The following SEL1L2 variants were observed in gnomAD, a reference collection of about 807,000 sequenced individuals.
The protein encoded by SEL1L2 is SEL1L2 adaptor subunit of SYVN1 ubiquitin ligase.
SEL1L2 carries 89 observed loss-of-function variants against 98.8 expected under a neutral mutation model. That is an observed-to-expected ratio of 0.90 (90% CI 0.76 to 1.07). The LOEUF (loss-of-function observed/expected upper bound fraction) is 1.07, where lower values mean the gene tolerates loss of function less well. SEL1L2 is among the 50% of genes least tolerant of loss of function. SEL1L2 has a pLI of 0.00. For missense variants in SEL1L2, 788 were observed against 812.0 expected (o/e 0.97, Z 0.36); for synonymous variants, 262 against 278.5 (o/e 0.94, Z 0.59).
At chr20:13,983,047 A>AAAAAAAAAAAAAAAAAC (rs1569086282) in intron 1 of SEL1L2, among the ~76,000 whole-genome samples, 5 of 144,200 alleles carry the variant, frequency 3.5e-5, no homozygotes, top group Admixed American at 7.0e-5. Context: ...AAAAAAAAAA[A>AAAAAAAAAAAAAAAAAC]AGCAGCAGCC....
At chr20:13,924,043 G>A (rs1360365155) in intron 3 of SEL1L2, among the ~76,000 whole-genome samples, 1 of 152,102 alleles carries the variant, frequency 6.6e-6, no homozygotes, top group Non-Finnish European at 1.5e-5. Context: ...TTGTTCCTTT[G>A]AACATTATGT....
intron 4 of SEL1L2, among the ~76,000 whole-genome samples, chr20:13,917,067 C>T (rs923251672): frequency 2.0e-5 from 3 of 152,006 alleles, no homozygotes; most frequent in Non-Finnish European, 2.9e-5. Flanking sequence ...CCAGGGTTTC[C>T]CTGGACTTGA....
At chr20:13,993,255 G>A (rs529767966), upstream of SEL1L2, among the ~76,000 whole-genome samples, 11 of 152,316 alleles carry the variant, frequency 7.2e-5, no homozygotes, top group South Asian at 6.2e-4. Flanking sequence ...ATAAAATTGC[G>A]TAGGTATAGC....
chr20:13,935,002 A>C (rs2049384103), intron 2 of SEL1L2, among the ~76,000 whole-genome samples: 1 of 152,182 alleles, frequency 6.6e-6, no homozygotes, highest in South Asian at 2.1e-4. Flanking sequence ...ATTGCCATTT[A>C]ACTTTAACTT....
intron 5 of SEL1L2, among the ~76,000 whole-genome samples, chr20:13,911,560 A>G (rs1294200863): frequency 1.3e-5 from 2 of 152,168 alleles, no homozygotes; most frequent in Non-Finnish European, 2.9e-5. Context: ...AACATTTACA[A>G]ATCTGTTTAT....
At chr20:13,879,175 C>T (rs1375837139) in intron 10 of SEL1L2, among the ~76,000 whole-genome samples, 1 of 152,020 alleles carries the variant, frequency 6.6e-6, no homozygotes, top group African/African-American at 2.4e-5. Context: ...AGTACAGAGG[C>T]TAGGGGAAGA....
intron 1 of SEL1L2, among the ~76,000 whole-genome samples, chr20:13,967,481 C>A (rs2051104096): frequency 4.6e-5 from 7 of 152,208 alleles, no homozygotes; most frequent in Admixed American, 4.6e-4. Context: ...TATACACTGA[C>A]AGATCTCTGG....
At chr20:13,865,685 G>T (rs1275132795) in intron 15 of SEL1L2, among the ~76,000 whole-genome samples, 171 bp from the exon 16 acceptor site, 1 of 152,136 alleles carries the variant, frequency 6.6e-6, no homozygotes, top group Non-Finnish European at 1.5e-5. Flanking sequence ...CCTTTTATAG[G>T]CACAAAGATC....
chr20:13,887,767 A>T lies in SEL1L2; in HGVS notation c.745+2T>A, dbSNP rs765746448. On this transcript the variant is annotated splice_donor_variant, in intron 8 of 19. Coordinates refer to ENST00000284951, the MANE Select transcript of SEL1L2 (RefSeq NM_025229.2). LOFTEE classifies it high-confidence loss of function. The stretch of plus-strand genomic sequence containing the variant: ...TTAAAATAAATTATGTGGATTACTT[A>T]CTATAATCTGCCACTTTCTTGTAAT... The T allele has an allele frequency of 2.5e-6, 4 of 1,574,628 alleles. No homozygotes were observed. The highest frequency in any genetic ancestry group is 3.5e-6 in the Non-Finnish European group (4 of 1,145,070).
intron 5 of SEL1L2, among the ~76,000 whole-genome samples, chr20:13,899,258 C>CT (rs1055792862): frequency 3.3e-5 from 5 of 151,446 alleles, no homozygotes; most frequent in African/African-American, 1.2e-4. Flanking sequence ...GGCATGTATT[C>CT]TTTTTTTTGT....
intron 12 of SEL1L2, among the ~76,000 whole-genome samples, chr20:13,875,819 G>A (rs78042313): frequency 0.026 from 3,967 of 152,282 alleles, 167 homozygotes; most frequent in African/African-American, 0.09. Flanking sequence ...CCTGGCCTCT[G>A]CTAGGGCAGC....
chr20:13,854,289 A>G (rs1311811034), intron 18 of SEL1L2, among the ~76,000 whole-genome samples: 1 of 152,202 alleles, frequency 6.6e-6, no homozygotes, highest in African/African-American at 2.4e-5. Context: ...CCCAAAGGAT[A>G]ATTTCCCCCA....
rs761446990 is a variant in SEL1L2 at position 13,907,727 on chromosome 20, TTTC to T, written c.549+6052_549+6054del. ...CTTTCTTTCTTTCTTTCTTTCTTTC[TTTC>T]TTTCTTTCTTTCTTTCTTTTCTTTT... On this transcript the variant is annotated intron_variant, in intron 5 of 19. Transcript: ENST00000284951. Among the ~76,000 whole-genome samples the T allele has an allele frequency of 1.1e-3, 140 of 128,638 alleles. 3 individuals are homozygous for T. The highest frequency in any genetic ancestry group is 0.011 in the South Asian group (45 of 4,242). The allele number at this position is 128,638 out of a possible 152,430, so 84.4% of individuals were successfully genotyped here. A position where few individuals can be genotyped will look rare whatever the true frequency, so the allele number is the denominator to read the frequency against.
At chr20:13,855,637 G>A (rs1346661720) in intron 18 of SEL1L2, among the ~76,000 whole-genome samples, 1 of 152,134 alleles carries the variant, frequency 6.6e-6, no homozygotes, top group East Asian at 1.9e-4. Flanking sequence ...TTTTCATGTG[G>A]TAATTGTGGG....
chr20:13,935,478 T>G (rs2049406712), intron 2 of SEL1L2, among the ~76,000 whole-genome samples: 1 of 152,136 alleles, frequency 6.6e-6, no homozygotes, highest in African/African-American at 2.4e-5. Flanking sequence ...ATGATTACAT[T>G]TGAGTAGACC....
rs780000665 is a variant in SEL1L2 at position 13,972,114 on chromosome 20, G to A, written c.59-15983C>T. Among the ~76,000 whole-genome samples, 17 of 152,044 alleles carry A rather than the reference G, an allele frequency of 1.1e-4. 1 individual carries two copies. In the South Asian group the frequency reaches 1.2e-3, roughly 11 times the overall value. On this transcript the variant is annotated intron_variant, in intron 1 of 19. Coordinates refer to ENST00000284951, the MANE Select transcript of SEL1L2 (RefSeq NM_025229.2). ...TGAAACTTATCTTGGGAATTCCGGC[G>A]TAATTTCTTTTCTAGATAAATTTTA...
intron 18 of SEL1L2, among the ~76,000 whole-genome samples, chr20:13,854,350 G>T (rs933741549): frequency 6.6e-6 from 1 of 152,066 alleles, no homozygotes; most frequent in African/African-American, 2.4e-5. Context: ...CTTTAAACAG[G>T]CCTGATTTCT....
At chr20:13,987,449 G>A (rs1037413806) in intron 1 of SEL1L2, among the ~76,000 whole-genome samples, 3 of 151,172 alleles carry the variant, frequency 2.0e-5, no homozygotes, top group Middle Eastern at 3.4e-3. Flanking sequence ...GGGTTCAAGC[G>A]ATTCTCCTGC....
At position 13,884,181 on chromosome 20, in the gene SEL1L2, T is replaced by C. The variant is rs549900578; in HGVS notation, c.957+1166A>G. On this transcript the variant is annotated intron_variant, in intron 10 of 19. Transcript: ENST00000284951. ...ATGCAAAGTAGTAACAGATTACTTTTTTACGTAATAGCCTTATAAAGTTGT... is the reference window on the plus strand; with the variant it reads ...ATGCAAAGTAGTAACAGATTACTTTCTTACGTAATAGCCTTATAAAGTTGT... 4.6e-5 allele frequency among the ~76,000 whole-genome samples: 7 copies of C among 152,300 alleles called. No homozygotes were observed. In the East Asian group the frequency reaches 1.4e-3, roughly 29 times the overall value.
Sources: allele counts gnomAD v4.1 joint callset (sites outside exome capture counted in the v4.1 genomes callset), GRCh38; gene constraint gnomAD v4.1.1; transcripts MANE v1.5; gene names NCBI Gene and HGNC (gene_info 2026-07-23, HGNC 2026-07-21).